The following UEVLD variants were observed in gnomAD, a reference collection of about 807,000 sequenced individuals.
The protein encoded by UEVLD is ubiquitin-conjugating enzyme E2 variant 3.
A neutral mutation model predicts 58.6 loss-of-function variants in UEVLD; 47 were observed. That is an observed-to-expected ratio of 0.80 (90% confidence interval 0.63 to 1.02). The LOEUF (loss-of-function observed/expected upper bound fraction) is 1.02, where lower values mean the gene tolerates loss of function less well. Ranked by LOEUF, UEVLD falls within the 50% of genes least tolerant of loss-of-function variation. The pLI is 0.00. For synonymous variants in UEVLD, 197 were observed against 195.3 expected (o/e 1.01, Z -0.07); for missense variants, 510 against 550.6 (o/e 0.93, Z 0.74).
chr11:18,579,525 C>G lies in UEVLD; in HGVS notation c.43-717G>C, dbSNP rs1397409814. The G allele has an allele frequency of 3.0e-6, 3 of 984,482 alleles. No individual in the cohort carries two copies. In the African/African-American group the frequency reaches 5.2e-5, roughly 17 times the overall value. The allele number at this position is 984,482 out of a possible 1,614,324, so 61.0% of individuals were successfully genotyped here. On this transcript the variant is annotated intron_variant, in intron 1 of 11. Coordinates refer to ENST00000396197, the MANE Select transcript of UEVLD (RefSeq NM_001040697.4). ...TGGCACGGCTCATTCACTTGAGATA[C>G]CTCGACTTTCCCCTCCCACCTTCCT...
intron 6 of UEVLD, among the ~76,000 whole-genome samples, chr11:18,559,603 T>C (rs1367590676): frequency 6.6e-6 from 1 of 152,222 alleles, no homozygotes; most frequent in Non-Finnish European, 1.5e-5. Context: ...GTTATCATTT[T>C]CATTCTGAAA....
intron 1 of UEVLD, among the ~76,000 whole-genome samples, chr11:18,586,730 G>A (rs977387221): frequency 4.6e-5 from 7 of 152,200 alleles, no homozygotes; most frequent in Admixed American, 4.6e-4. Flanking sequence ...GCAGACTGCA[G>A]TGAATGGTCA....
At chr11:18,534,914 G>C (rs1850725215) in intron 10 of UEVLD, among the ~76,000 whole-genome samples, 1 of 152,208 alleles carries the variant, frequency 6.6e-6, no homozygotes, top group South Asian at 2.1e-4. Flanking sequence ...GTATGCTCAA[G>C]TGTGCAAAGA....
intron 7 of UEVLD, among the ~76,000 whole-genome samples, chr11:18,555,908 C>T (rs923144486): frequency 2.0e-5 from 3 of 152,000 alleles, no homozygotes; most frequent in Non-Finnish European, 2.9e-5. Context: ...ATGATGGCAC[C>T]GCTGCACTCC....
At chr11:18,553,424 T>G (rs747861021) in intron 7 of UEVLD, among the ~76,000 whole-genome samples, 1 of 152,160 alleles carries the variant, frequency 6.6e-6, no homozygotes, top group African/African-American at 2.4e-5. Flanking sequence ...TAGAGCTATA[T>G]GTACTGTTAA....
chr11:18,558,740 G>A (rs945884904), intron 6 of UEVLD, among the ~76,000 whole-genome samples: 6 of 149,592 alleles, frequency 4.0e-5, no homozygotes, highest in Non-Finnish European at 8.9e-5. Context: ...CCAAGATTGT[G>A]TCACTGCACT....
chr11:18,578,744 T>A lies in UEVLD; in HGVS notation c.107A>T (p.Lys36Ile). 6.2e-7 allele frequency: 1 copy of A among 1,607,226 alleles called. No individual in the cohort carries two copies. ...RNVNVFFPHF[K>I]YSMDTYVFKD... ...CTTACCATAGGTGTCCATGGAATAT[T>A]TGAAATGTGGGAAAAATACATTTAC... is the stretch of plus-strand genomic sequence containing the variant. Residue 36 changes from lysine (K) to isoleucine (I), a missense_variant, in exon 2 of 12, where the codon AAA (lysine) becomes ATA (isoleucine). Physicochemically the swap from Lys to Ile is moderately radical, Grantham distance 102 (BLOSUM62 -3). Coordinates refer to ENST00000396197, the MANE Select transcript of UEVLD (RefSeq NM_001040697.4).
At chr11:18,569,813 T>C (rs143322900) in intron 4 of UEVLD, 2 of 156,626 alleles carry the variant, frequency 1.3e-5, no homozygotes, top group Non-Finnish European at 2.8e-5. Context: ...CACAAAAGAT[T>C]ACATACAGTA....
rs1460546520 is a variant in UEVLD at position 18,530,113 on chromosome 11, A to G, written c.*2207T>C. On this transcript the variant is annotated 3_prime_UTR_variant, in exon 12 of 12. Coordinates refer to ENST00000396197, the MANE Select transcript of UEVLD (RefSeq NM_001040697.4). ...TCTGGTTAGATTATTGTTCAAAAGC[A>G]TATTACATATTATCTAACTTTAATT... 1.3e-5 allele frequency: 2 copies of G among 152,228 alleles called. No individual in the cohort carries two copies. The highest frequency in any genetic ancestry group is 4.8e-5 in the African/African-American group (2 of 41,466). The allele number at this position is 152,228 out of a possible 1,614,324, so 9.4% of individuals were successfully genotyped here. A position where few individuals can be genotyped will look rare whatever the true frequency, so the allele number is the denominator to read the frequency against.
At chr11:18,573,703 G>A (rs1361544109) in intron 3 of UEVLD, among the ~76,000 whole-genome samples, 1 of 152,072 alleles carries the variant, frequency 6.6e-6, no homozygotes, top group African/African-American at 2.4e-5. Flanking sequence ...TATCATGGTG[G>A]GACATACACA....
chr11:18,562,784 A>C (rs1852105399), intron 6 of UEVLD, among the ~76,000 whole-genome samples: 1 of 151,384 alleles, frequency 6.6e-6, no homozygotes, highest in Admixed American at 6.6e-5. Flanking sequence ...GCAGTGACTC[A>C]TGCCTGTAAT....
At position 18,536,405 on chromosome 11, in the gene UEVLD, C is replaced by A. The variant is rs374733221; in HGVS notation, c.1124+1G>T. ...AAATGCAAATTTCCAGTCAGTGTTACCTGTTGGACAGCTGCACTTGAGAGG... is the reference window on the plus strand; with the variant it reads ...AAATGCAAATTTCCAGTCAGTGTTAACTGTTGGACAGCTGCACTTGAGAGG... On this transcript the variant is annotated splice_donor_variant, in intron 10 of 11. Transcript: ENST00000396197. LOFTEE classifies it high-confidence loss of function. 1 of 1,613,582 alleles carries A rather than the reference C, an allele frequency of 6.2e-7. No homozygotes were observed. The highest frequency in any genetic ancestry group is 8.5e-7 in the Non-Finnish European group (1 of 1,179,702).
intron 1 of UEVLD, among the ~76,000 whole-genome samples, chr11:18,581,793 C>G (rs1262752247): frequency 6.6e-6 from 1 of 152,142 alleles, no homozygotes; most frequent in Non-Finnish European, 1.5e-5. Context: ...TCGTCTTTCC[C>G]TCATTGTTCT....
chr11:18,544,148 C>T (rs1851182041), intron 9 of UEVLD, among the ~76,000 whole-genome samples: 1 of 152,104 alleles, frequency 6.6e-6, no homozygotes, highest in Admixed American at 6.6e-5. Flanking sequence ...AAAGTAATTA[C>T]AACGAGAATG....
At chr11:18,587,017 G>T (rs1853602552) in intron 1 of UEVLD, among the ~76,000 whole-genome samples, 1 of 152,100 alleles carries the variant, frequency 6.6e-6, no homozygotes, top group African/African-American at 2.4e-5. Context: ...GGGTGACAGA[G>T]CGAGACTCCG....
At position 18,564,930 on chromosome 11, in the gene UEVLD, C is replaced by T; in HGVS notation, c.574G>A (p.Glu192Lys). 6.2e-7 allele frequency: 1 copy of T among 1,613,778 alleles called. No individual in the cohort carries two copies. The highest frequency in any genetic ancestry group is 8.5e-7 in the Non-Finnish European group (1 of 1,179,826). Reference sequence around the variant, plus strand: ...GCTAATGTGCAGGCAATACCGAGTTCTCCACCTCCAACCACAGTAATTTTA... The same window carrying T: ...GCTAATGTGCAGGCAATACCGAGTTTTCCACCTCCAACCACAGTAATTTTA... Reference protein sequence around the residue: ...VNKITVVGGGELGIACTLAIS... With the variant: ...VNKITVVGGGKLGIACTLAIS... The change falls in exon 6 of 12, where the codon GAA becomes AAA. Residue 192 changes from glutamate to lysine, a missense_variant. By Grantham distance (56) the Glu-to-Lys change is moderately conservative (BLOSUM62 1). Transcript: ENST00000396197.
At chr11:18,538,256 C>A (rs1487156919) in intron 9 of UEVLD, among the ~76,000 whole-genome samples, 1 of 151,648 alleles carries the variant, frequency 6.6e-6, no homozygotes, top group African/African-American at 2.4e-5. Flanking sequence ...ATGTATTATT[C>A]TTTTGTGTTC....
chr11:18,556,856 G>T (rs1851775923), intron 7 of UEVLD, among the ~76,000 whole-genome samples: 1 of 152,078 alleles, frequency 6.6e-6, no homozygotes, highest in African/African-American at 2.4e-5. Context: ...ACTTTGGGAG[G>T]CTGAGGCGGG....
In UEVLD at chr11:18,566,470, T is replaced by G; in HGVS notation, c.370A>C (p.Ile124Leu). Residue 124 changes from isoleucine (I) to leucine (L), a missense_variant, in exon 5 of 12, where the codon ATT (isoleucine) becomes CTT (leucine). Transcript: ENST00000396197. ...ATCATTTCTTTAATTAATCCAACAA[T>G]GACAGATTTAGGCTGTAGAATACAC... The part of the protein sequence containing the change: ...LQNWSHPKSV[I>L]VGLIKEMIAK... 6.2e-7 allele frequency: 1 copy of G among 1,613,896 alleles called. No individual in the cohort carries two copies. The highest frequency in any genetic ancestry group is 1.7e-5 in the Admixed American group (1 of 59,994).
Sources: gnomAD v4.1 joint callset for allele counts (sites outside exome capture counted in the v4.1 genomes callset) on GRCh38, gnomAD v4.1.1 for gene constraint, MANE v1.5 for transcripts, NCBI Gene and HGNC (gene_info 2026-07-23, HGNC 2026-07-21) for gene names.